SCAF11: variants seen among roughly 807,000 people sequenced by gnomAD.
SCAF11 encodes protein SCAF11.
A neutral mutation model predicts 140.5 loss-of-function variants in SCAF11; 47 were observed. The ratio of observed to expected loss-of-function variants is 0.33; its 90% CI spans 0.26 to 0.43. SCAF11 has a LOEUF of 0.43. Ranked by LOEUF, SCAF11 falls within the 20% of genes least tolerant of loss-of-function variation. The pLI is 1.00. For synonymous variants in SCAF11, 557 were observed against 579.4 expected, an observed-to-expected ratio of 0.96 and a Z score of 0.55; for missense variants, 1,645 against 1,705.1, an observed-to-expected ratio of 0.96 and a Z score of 0.62.
intron 2 of SCAF11, 44 bp downstream of exon 2, chr12:45,964,063 T>G: frequency 2.0e-6 from 2 of 994,728 alleles, no homozygotes; most frequent in Non-Finnish European, 3.1e-6. Flanking sequence ...TGGAAACAAC[T>G]GTTTTGCTTT....
At chr12:45,955,002 C>T (rs1486587423) in intron 3 of SCAF11, 3 of 151,348 alleles carry the variant, frequency 2.0e-5, no homozygotes, top group Non-Finnish European at 4.4e-5. Flanking sequence ...AAAGGCTCCA[C>T]TGGTATTACA....
At chr12:45,939,829 T>G (rs1365351932) in intron 6 of SCAF11, among the ~76,000 whole-genome samples, 2 of 152,240 alleles carry the variant, frequency 1.3e-5, no homozygotes, top group African/African-American at 4.8e-5. Flanking sequence ...AGTAGTTCTT[T>G]TATAAAAAGA....
In SCAF11 at chr12:45,945,250, A is replaced by G. The variant is rs11183245; in HGVS notation, c.462T>C (p.His154=). 2.6e-3 allele frequency: 3,976 copies of G among 1,556,818 alleles called. 97 individuals carry two copies. The African/African-American group carries it at 0.048, about 19-fold the overall frequency. ...SAKVCDLKWI[H]RNSLYSETGG... ...ATCCACAAGCAAAAAGTAACTTACTATGTATCCACTTCAAGTCACAAACTT... is the reference window on the plus strand; with the variant it reads ...ATCCACAAGCAAAAAGTAACTTACTGTGTATCCACTTCAAGTCACAAACTT... Residue 154 remains histidine, a splice_region_variant and synonymous_variant, in exon 6 of 15, where the codon CAT becomes CAC. Transcript: ENST00000369367.
chr12:45,986,748 T>A (rs1946468504), intron 1 of SCAF11, among the ~76,000 whole-genome samples: 1 of 152,176 alleles, frequency 6.6e-6, no homozygotes, highest in African/African-American at 2.4e-5. Context: ...CCCCATACTG[T>A]TCTCATGGTA....
chr12:45,978,453 T>C (rs963990194), intron 1 of SCAF11, among the ~76,000 whole-genome samples: 2 of 152,196 alleles, frequency 1.3e-5, no homozygotes, highest in South Asian at 2.1e-4. Context: ...TTTGGAAAAG[T>C]AGAGTTTACA....
intron 3 of SCAF11, chr12:45,960,331 C>T (rs912247309): frequency 8.5e-5 from 13 of 152,104 alleles, no homozygotes; most frequent in African/African-American, 2.9e-4. Context: ...ATTATGTGGT[C>T]ACCAAATACA....
intron 1 of SCAF11, among the ~76,000 whole-genome samples, chr12:45,976,021 A>T (rs1012562623): frequency 5.9e-5 from 9 of 152,196 alleles, no homozygotes; most frequent in African/African-American, 1.9e-4. Context: ...CTTGATGCAG[A>T]ATTGCCACAA....
chr12:45,931,682 A>G, intron 9 of SCAF11, 70 bp from the exon 10 acceptor site: 1 of 773,150 alleles, frequency 1.3e-6, no homozygotes, highest in Non-Finnish European at 2.0e-6. Context: ...AAAAGTATTA[A>G]TTCTCTAAAT....
intron 1 of SCAF11, among the ~76,000 whole-genome samples, chr12:45,972,950 A>ATAGATATC (rs1946133809): frequency 1.5e-5 from 1 of 64,866 alleles, no homozygotes; most frequent in Non-Finnish European, 4.2e-5. Context: ...ATATATATAT[A>ATAGATATC]GATATATAGA....
chr12:45,972,714 T>G (rs1946106376), intron 1 of SCAF11, among the ~76,000 whole-genome samples: 1 of 149,450 alleles, frequency 6.7e-6, no homozygotes, highest in South Asian at 2.1e-4. Context: ...CCAAAATTAC[T>G]TGGCATAGAG....
chr12:45,984,155 A>AC (rs1260285199), intron 1 of SCAF11, among the ~76,000 whole-genome samples: 1 of 152,202 alleles, frequency 6.6e-6, no homozygotes, highest in Non-Finnish European at 1.5e-5. Context: ...ACCTTAATAA[A>AC]AAGAAAAAGG....
At chr12:45,972,134 G>C (rs1946087330) in intron 1 of SCAF11, among the ~76,000 whole-genome samples, 3 of 152,060 alleles carry the variant, frequency 2.0e-5, no homozygotes, top group Admixed American at 2.0e-4. Context: ...CTCCACACAT[G>C]TCACAGACTG....
At chr12:45,987,132 G>A (rs771999275) in intron 1 of SCAF11, among the ~76,000 whole-genome samples, 3 of 152,180 alleles carry the variant, frequency 2.0e-5, no homozygotes, top group Admixed American at 6.5e-5. Flanking sequence ...AGGCCAAGGC[G>A]GGATGATTAC....
intron 6 of SCAF11, among the ~76,000 whole-genome samples, chr12:45,944,921 T>C (rs1945384207): frequency 6.6e-6 from 1 of 152,162 alleles, no homozygotes; most frequent in Non-Finnish European, 1.5e-5. Flanking sequence ...ACAAGGTATT[T>C]AATCTCATCT....
chr12:45,978,803 G>A (rs1267450705), intron 1 of SCAF11, among the ~76,000 whole-genome samples: 1 of 152,148 alleles, frequency 6.6e-6, no homozygotes, highest in Non-Finnish European at 1.5e-5. Context: ...AAAGGGAGAT[G>A]GGAAAATTGT....
chr12:45,974,101 C>T (rs1946177109), intron 1 of SCAF11: 1 of 422,608 alleles, frequency 2.4e-6, no homozygotes, highest in South Asian at 1.8e-5. Context: ...TTTTTGGTTT[C>T]CTAGTATATA....
At chr12:45,954,974 C>A (rs1945650675) in intron 3 of SCAF11, 1 of 151,274 alleles carries the variant, frequency 6.6e-6, no homozygotes, top group Non-Finnish European at 1.5e-5. Flanking sequence ...CTTAGGTTTG[C>A]CTAGTTTCAT....
At chr12:45,979,388 G>A (rs1266074436) in intron 1 of SCAF11, among the ~76,000 whole-genome samples, 1 of 152,006 alleles carries the variant, frequency 6.6e-6, no homozygotes, top group African/African-American at 2.4e-5. Context: ...ACAGAAAAAT[G>A]AGAATGGATT....
chr12:45,967,220 T>TA (rs1227421196), intron 1 of SCAF11, among the ~76,000 whole-genome samples: 100 of 146,714 alleles, frequency 6.8e-4, no homozygotes, highest in African/African-American at 1.2e-3. Context: ...AAGACCCTGT[T>TA]AAAAAAAAAA....
Sources: allele counts gnomAD v4.1 joint callset (sites outside exome capture counted in the v4.1 genomes callset), GRCh38; gene constraint gnomAD v4.1.1; transcripts MANE v1.5; gene names NCBI Gene and HGNC (gene_info 2026-07-23, HGNC 2026-07-21).